Variants in PCDHGA10 observed in about 807,000 individuals in gnomAD.
The protein encoded by PCDHGA10 is protocadherin gamma subfamily A, 10.
In PCDHGA10, 42 loss-of-function variants were observed where a neutral mutation model predicts 59.5. The ratio of observed to expected loss-of-function variants is 0.71; its 90% CI spans 0.55 to 0.91. The LOEUF is 0.91. Ranked by LOEUF, PCDHGA10 falls within the 40% of genes least tolerant of loss-of-function variation. PCDHGA10 has a pLI of 0.00. For missense variants in PCDHGA10, 1,111 were observed against 1,198.2 expected, an observed-to-expected ratio of 0.93 and a Z score of 1.07; for synonymous variants, 511 against 517.2, an observed-to-expected ratio of 0.99 and a Z score of 0.16.
At chr5:141,504,340 G>C (rs1240423982) in intron 2 of PCDHGA10, among the ~76,000 whole-genome samples, 1 of 152,062 alleles carries the variant, frequency 6.6e-6, no homozygotes, top group Non-Finnish European at 1.5e-5. Flanking sequence ...CAAGTGCTAG[G>C]CTTTGTGCTA....
At position 141,487,621 on chromosome 5, in the gene PCDHGA10, A is replaced by G; in HGVS notation, c.2437-7186A>G. The G allele has an allele frequency of 6.2e-7, 1 of 1,614,164 alleles. No individual in the cohort carries two copies. On this transcript the variant is annotated intron_variant, in intron 1 of 3. Transcript: ENST00000398610. This position sits in a 1 kb window ranked among gnomAD's most constrained non-coding sequence, Gnocchi z 5.0. ...ATCTTCTCTATGGGCTAGAGGTGAG[A>G]CCTTTGCAGGCTCAACAAATGCTTG... is the stretch of plus-strand genomic sequence containing the variant.
intron 3 of PCDHGA10, among the ~76,000 whole-genome samples, chr5:141,506,833 C>A (rs1462038297): frequency 1.3e-5 from 2 of 152,092 alleles, no homozygotes; most frequent in African/African-American, 4.8e-5. Context: ...AACTGATAGC[C>A]CTGCCCTCCA....
chr5:141,500,901 G>T (rs984072329), intron 2 of PCDHGA10, among the ~76,000 whole-genome samples: 1 of 144,582 alleles, frequency 6.9e-6, no homozygotes, highest in Non-Finnish European at 1.5e-5. Context: ...AGACAGTCTC[G>T]CTCTGTCTCC....
At chr5:141,429,468 A>G (rs2097217267) in intron 1 of PCDHGA10, among the ~76,000 whole-genome samples, 1 of 152,048 alleles carries the variant, frequency 6.6e-6, no homozygotes, top group Admixed American at 6.6e-5. Flanking sequence ...TCCCACCTCA[A>G]TCTCCAGAGT....
In PCDHGA10 at chr5:141,414,152, A is replaced by T; in HGVS notation, c.977A>T (p.Glu326Val). 1 of 1,600,994 alleles carries T rather than the reference A, an allele frequency of 6.2e-7. No homozygotes were observed. The highest frequency in any genetic ancestry group is 8.5e-7 in the Non-Finnish European group (1 of 1,173,442). The change falls in exon 1 of 4, where the codon GAA (glutamate) becomes GTA (valine). Residue 326 changes from glutamate (E) to valine (V), a missense_variant. Transcript: ENST00000398610. Reference protein sequence around the residue: ...TGFYEIEIQAEDGGAYLATAK... With the variant: ...TGFYEIEIQAVDGGAYLATAK... ...TTCTATGAAATAGAAATACAAGCAG[A>T]AGATGGAGGAGCATATCTTGCAACT...
chr5:141,491,022 C>T lies in PCDHGA10; in HGVS notation c.2437-3785C>T, dbSNP rs1431293281. 6.8e-6 allele frequency: 11 copies of T among 1,614,116 alleles called. No homozygotes were observed. Among genetic ancestry groups the T allele is most frequent in the East Asian group, 2.2e-5 (1 of 44,886 alleles). On this transcript the variant is annotated intron_variant, in intron 1 of 3. Coordinates refer to ENST00000398610, the MANE Select transcript of PCDHGA10 (RefSeq NM_018913.3). The surrounding 1 kb of genome is among the most constrained non-coding windows in gnomAD (Gnocchi z 6.9). ...GCTCCTTGGTCACCAAGGTGACAGCCGTGGATGCTGATGCAGGCCACAATG... is the reference window on the plus strand; with the variant it reads ...GCTCCTTGGTCACCAAGGTGACAGCTGTGGATGCTGATGCAGGCCACAATG...
intron 2 of PCDHGA10, among the ~76,000 whole-genome samples, chr5:141,496,279 G>C (rs902362885): frequency 1.3e-5 from 2 of 152,198 alleles, no homozygotes; most frequent in Non-Finnish European, 2.9e-5. Context: ...ACCTTCAGTT[G>C]GTCTGAGCAG....
rs750928530 is a variant in PCDHGA10 at position 141,490,174 on chromosome 5, G to T, written c.2437-4633G>T. 1 of 1,614,056 alleles carries T rather than the reference G, an allele frequency of 6.2e-7. No individual in the cohort carries two copies. Among genetic ancestry groups the T allele is most frequent in the South Asian group, 1.1e-5 (1 of 91,086 alleles). ...TGTGTTGGGTCCCATAGACTTTGAG[G>T]AGTCACGTTTCTATGAAATTCATGC... On this transcript the variant is annotated intron_variant, in intron 1 of 3. Transcript: ENST00000398610. This position sits in a 1 kb window ranked among gnomAD's most constrained non-coding sequence, Gnocchi z 5.4.
In PCDHGA10 at chr5:141,414,271, C is replaced by T. The variant is rs1561747971; in HGVS notation, c.1096C>T (p.Leu366=). ...LFSPVTEDSP[L]GTVVALLNVH... is the part of the protein sequence containing the mutation. The stretch of plus-strand genomic sequence containing the variant: ...TAGTCCAGTGACTGAAGATTCACCT[C>T]TGGGAACAGTCGTAGCCCTTTTAAA... The change falls in exon 1 of 4, where the codon CTG becomes TTG. Residue 366 remains leucine (L), a synonymous_variant. Coordinates refer to ENST00000398610, the MANE Select transcript of PCDHGA10 (RefSeq NM_018913.3). 3 of 1,613,292 alleles carry T rather than the reference C, an allele frequency of 1.9e-6. No homozygotes were observed. Among genetic ancestry groups the T allele is most frequent in the East Asian group, 2.2e-5 (1 of 44,856 alleles).
At chr5:141,478,423 C>A (rs1355847104) in intron 1 of PCDHGA10, 1 of 1,613,672 alleles carries the variant, frequency 6.2e-7, no homozygotes, top group Admixed American at 1.7e-5. Context: ...CCCGCCGCAG[C>A]GACCCGCTGC....
chr5:141,415,823 G>T (rs529200891), intron 1 of PCDHGA10: 1 of 1,316,022 alleles, frequency 7.6e-7, no homozygotes, highest in East Asian at 2.8e-5. Context: ...ATATCATAAG[G>T]CTTTGTTATG....
intron 1 of PCDHGA10, among the ~76,000 whole-genome samples, chr5:141,453,993 A>T (rs2098779172): frequency 6.6e-6 from 1 of 152,234 alleles, no homozygotes; most frequent in African/African-American, 2.4e-5. Flanking sequence ...CCAGTGATAA[A>T]CCCACATAAC....
At chr5:141,471,802 A>G (rs2154571076) in intron 1 of PCDHGA10, among the ~76,000 whole-genome samples, 1 of 152,362 alleles carries the variant, frequency 6.6e-6, no homozygotes, top group African/African-American at 2.4e-5. Context: ...TATAAAAGAC[A>G]TATAAAAGAC....
chr5:141,504,988 C>T (rs886919738), intron 2 of PCDHGA10, among the ~76,000 whole-genome samples: 2 of 152,036 alleles, frequency 1.3e-5, no homozygotes, highest in African/African-American at 4.8e-5. Context: ...ATGGTGAAAC[C>T]CCGTCTGTAC....
At chr5:141,470,574 CA>C (rs1369567985) in intron 1 of PCDHGA10, among the ~76,000 whole-genome samples, 1 of 152,188 alleles carries the variant, frequency 6.6e-6, no homozygotes, top group Non-Finnish European at 1.5e-5. Flanking sequence ...CAAGCAGGAT[CA>C]ACTTCATAGG....
At chr5:141,433,211 T>TC in intron 1 of PCDHGA10, 1 of 1,568,160 alleles carries the variant, frequency 6.4e-7, no homozygotes, top group Non-Finnish European at 8.6e-7. Context: ...CTTCTTTCTT[T>TC]TTTTTTTTTA....
rs759809060 is a variant in PCDHGA10, at chr5:141,476,317, G to A, written c.2437-18490G>A. 1.2e-6 allele frequency: 2 copies of A among 1,614,170 alleles called. No individual in the cohort carries two copies. Among genetic ancestry groups the A allele is most frequent in the South Asian group, 2.2e-5 (2 of 91,078 alleles). On this transcript the variant is annotated intron_variant, in intron 1 of 3. Coordinates refer to ENST00000398610, the MANE Select transcript of PCDHGA10 (RefSeq NM_018913.3). This position sits in a 1 kb window ranked among gnomAD's most constrained non-coding sequence, Gnocchi z 7.6. Reference sequence around the variant, plus strand: ...GTAGCCTCTCAGCCCGCAGGTTCCGGGTGGTGTCTGGAGCTAGCCGAAGAT... The same window carrying A: ...GTAGCCTCTCAGCCCGCAGGTTCCGAGTGGTGTCTGGAGCTAGCCGAAGAT...
At chr5:141,494,069 C>T (rs1249076667) in intron 1 of PCDHGA10, among the ~76,000 whole-genome samples, 1 of 152,146 alleles carries the variant, frequency 6.6e-6, no homozygotes, top group Non-Finnish European at 1.5e-5. Context: ...GAGCTGGATC[C>T]CTCCCCGCTG....
Position 141,489,111 on chromosome 5 carries a change from C to T in PCDHGA10, c.2437-5696C>T. The T allele has an allele frequency of 1.9e-6, 1 of 518,040 alleles. No individual in the cohort carries two copies. Among genetic ancestry groups the T allele is most frequent in the African/African-American group, 1.9e-5 (1 of 51,336 alleles). The allele number at this position is 518,040 out of a possible 1,614,324, so 32.1% of individuals were successfully genotyped here. ...GTGACTAAGAACTGCTGCAAGCAGG[C>T]AAACCTCCGAGCAGTTTTTAAGAGG... On this transcript the variant is annotated intron_variant, in intron 1 of 3. Transcript: ENST00000398610. This position sits in a 1 kb window ranked among gnomAD's most constrained non-coding sequence, Gnocchi z 4.5.
Sources: allele counts gnomAD v4.1 joint callset (sites outside exome capture counted in the v4.1 genomes callset), GRCh38; gene constraint gnomAD v4.1.1; non-coding constraint Gnocchi (gnomAD v3.1); transcripts MANE v1.5; gene names NCBI Gene and HGNC (gene_info 2026-07-23, HGNC 2026-07-21).